APBB2: variants seen among roughly 807,000 people sequenced by gnomAD.
The protein encoded by APBB2 is Fe65-like 1.
In APBB2, 38 loss-of-function variants were observed where a neutral mutation model predicts 82.5. That is an observed-to-expected ratio of 0.46 (90% CI 0.36 to 0.60). APBB2 has a LOEUF of 0.60. APBB2 is among the 20% of genes least tolerant of loss of function. The pLI is 0.00. For missense variants in APBB2, 772 were observed against 972.3 expected (o/e 0.79, Z 2.74); for synonymous variants, 341 against 368.2 (o/e 0.93, Z 0.85).
intron 4 of APBB2, among the ~76,000 whole-genome samples, chr4:41,035,874 T>A (rs1718959946): frequency 6.6e-6 from 1 of 152,200 alleles, no homozygotes; most frequent in Non-Finnish European, 1.5e-5. Context: ...TAGAGTTGAT[T>A]TAAGGTATAC....
chr4:41,183,665 C>T (rs921053255), intron 1 of APBB2, among the ~76,000 whole-genome samples: 2 of 151,944 alleles, frequency 1.3e-5, no homozygotes, highest in African/African-American at 4.8e-5. Context: ...GATTCTCTTT[C>T]TCTCATGATC....
intron 1 of APBB2, among the ~76,000 whole-genome samples, chr4:41,194,585 G>A: frequency 2.4e-4 from 37 of 152,272 alleles, no homozygotes; most frequent in African/African-American, 6.0e-4. Flanking sequence ...TGGGAGAATC[G>A]TCTGAGGATG....
intron 4 of APBB2, among the ~76,000 whole-genome samples, chr4:41,064,549 A>G (rs1353971150): frequency 1.3e-5 from 2 of 152,336 alleles, no homozygotes; most frequent in East Asian, 3.9e-4. Context: ...CAAGGCCAAA[A>G]GACTGCAGGG....
At chr4:41,062,536 C>A (rs890821144) in intron 4 of APBB2, among the ~76,000 whole-genome samples, 2 of 152,080 alleles carry the variant, frequency 1.3e-5, no homozygotes, top group Non-Finnish European at 2.9e-5. Context: ...GAGAACAAAT[C>A]AAATAAAATA....
intron 12 of APBB2, among the ~76,000 whole-genome samples, chr4:40,842,802 C>G (rs1756280948): frequency 6.6e-6 from 1 of 152,134 alleles, no homozygotes; most frequent in Non-Finnish European, 1.5e-5. Context: ...TCCTGACACT[C>G]TATTAACAGA....
At chr4:41,031,359 C>T (rs1030035998) in intron 5 of APBB2, among the ~76,000 whole-genome samples, 1 of 152,186 alleles carries the variant, frequency 6.6e-6, no homozygotes, top group Non-Finnish European at 1.5e-5. Flanking sequence ...TTAGTCAAGA[C>T]CCTCTCTCAT....
intron 3 of APBB2, among the ~76,000 whole-genome samples, chr4:41,094,053 C>T (rs1742675362): frequency 6.6e-6 from 1 of 151,984 alleles, no homozygotes; most frequent in South Asian, 2.1e-4. Context: ...TTAGGATTGA[C>T]ACAATGTATA....
At chr4:40,880,694 GA>G in intron 12 of APBB2, 1 of 985,406 alleles carries the variant, frequency 1.0e-6, no homozygotes, top group Non-Finnish European at 1.2e-6. Context: ...TCTGCATCCA[GA>G]AAGGCCCATC....
intron 3 of APBB2, among the ~76,000 whole-genome samples, chr4:41,095,985 C>T (rs1056982959): frequency 7.2e-5 from 11 of 152,224 alleles, no homozygotes; most frequent in South Asian, 4.1e-4. Context: ...ACCCCAGCCA[C>T]GGTGGAGTTC....
chr4:40,860,667 T>C (rs1762539138), intron 12 of APBB2, among the ~76,000 whole-genome samples: 1 of 152,196 alleles, frequency 6.6e-6, no homozygotes, highest in Admixed American at 6.5e-5. Flanking sequence ...GGTGGTCTCA[T>C]TGACTATTCT....
chr4:41,139,545 T>C (rs551977194), intron 2 of APBB2, among the ~76,000 whole-genome samples: 9 of 152,176 alleles, frequency 5.9e-5, no homozygotes, highest in Non-Finnish European at 1.3e-4. Context: ...GGTGAATGGA[T>C]AAAGTGTGGA....
chr4:40,989,036 G>A (rs1408246839), intron 6 of APBB2, among the ~76,000 whole-genome samples: 7 of 152,134 alleles, frequency 4.6e-5, no homozygotes, highest in Admixed American at 3.9e-4. Flanking sequence ...GAGGATTACA[G>A]GTGTGAGCCA....
chr4:41,060,430 A>T (rs1729406505), intron 4 of APBB2, among the ~76,000 whole-genome samples: 3 of 152,196 alleles, frequency 2.0e-5, no homozygotes, highest in African/African-American at 7.2e-5. Context: ...ATTCAGCGTC[A>T]GGCTCCAATT....
chr4:41,189,363 G>C (rs1474979323), intron 1 of APBB2, among the ~76,000 whole-genome samples: 3 of 152,158 alleles, frequency 2.0e-5, no homozygotes, highest in Non-Finnish European at 4.4e-5. Flanking sequence ...TCTGGAAGGG[G>C]CAGGAGGAAG....
At chr4:41,016,792 A>G (rs1810092156) in intron 5 of APBB2, among the ~76,000 whole-genome samples, 1 of 152,056 alleles carries the variant, frequency 6.6e-6, no homozygotes, top group African/African-American at 2.4e-5. Flanking sequence ...GGCTGAATAG[A>G]AAAGGACCAT....
At chr4:41,170,803 A>G (rs1768030333) in intron 1 of APBB2, among the ~76,000 whole-genome samples, 1 of 152,202 alleles carries the variant, frequency 6.6e-6, no homozygotes, top group Non-Finnish European at 1.5e-5. Context: ...CATTTAGGAA[A>G]TCTAGGTGAA....
At chr4:41,037,777 T>C (rs1248372688) in intron 4 of APBB2, among the ~76,000 whole-genome samples, 1 of 152,176 alleles carries the variant, frequency 6.6e-6, no homozygotes, top group African/African-American at 2.4e-5. Flanking sequence ...CCCAGCACTT[T>C]GGGTGGCTGA....
chr4:40,817,928 A>G (rs566514575), intron 17 of APBB2, among the ~76,000 whole-genome samples: 2 of 152,348 alleles, frequency 1.3e-5, no homozygotes, highest in Admixed American at 6.5e-5. Flanking sequence ...GGATTTATAC[A>G]TGGCAACATG....
intron 12 of APBB2, chr4:40,857,280 A>G (rs1761579641): frequency 1.6e-6 from 1 of 628,944 alleles, no homozygotes; most frequent in Non-Finnish European, 2.0e-6. Flanking sequence ...TGCTCCCGCT[A>G]GGTGCTCCCG....
Sources: allele counts gnomAD v4.1 joint callset (sites outside exome capture counted in the v4.1 genomes callset), GRCh38; gene constraint gnomAD v4.1.1; transcripts MANE v1.5; gene names NCBI Gene and HGNC (gene_info 2026-07-23, HGNC 2026-07-21).